Variants in BTD observed in about 807,000 individuals in gnomAD.
BTD encodes the protein biotinidase.
In BTD, 13 loss-of-function variants were observed where a neutral mutation model predicts 17.7. The observed-to-expected ratio is 0.74, with a 90% CI of 0.48 to 1.17. The LOEUF is 1.17. Among genes scored for constraint, BTD ranks in the 50% most tolerant of loss-of-function variants. The pLI is 0.00. For synonymous variants in BTD, 240 were observed against 245.2 expected (o/e 0.98, Z 0.20); for missense variants, 674 against 650.4 (o/e 1.04, Z -0.39).
At chr3:15,604,118 G>C (rs1158758007) in intron 1 of BTD, among the ~76,000 whole-genome samples, 3 of 152,202 alleles carry the variant, frequency 2.0e-5, no homozygotes, top group African/African-American at 7.2e-5. Context: ...ACTCTGTATG[G>C]GGGCTCCCAC....
intron 3 of BTD, chr3:15,678,109 G>A: frequency 8.5e-7 from 1 of 1,183,282 alleles, no homozygotes; most frequent in Admixed American, 2.7e-5. Context: ...AGTCTTAGGA[G>A]TGGTAAGATA....
downstream of BTD, chr3:15,714,482 T>C (rs2072748887): frequency 9.3e-6 from 8 of 856,596 alleles, no homozygotes; most frequent in South Asian, 1.5e-4. Context: ...CAAAATGCGA[T>C]GACAATTCCT....
At chr3:15,676,133 T>C (rs2066911094) in intron 3 of BTD, 2 of 547,688 alleles carry the variant, frequency 3.7e-6, no homozygotes. Flanking sequence ...ATAACAAAGA[T>C]GGGGGCAGGG....
chr3:15,713,416 TACAACATTGAGGATAAAATCCACATTTCC>T (rs1204795500), downstream of BTD: 22 of 784,024 alleles, frequency 2.8e-5, no homozygotes, highest in African/African-American at 3.6e-4. Flanking sequence ...AAGCAATTAA[TACAACATTGAGGATAAAATCCACATTTCC>T]ACGTGAAATG....
Position 15,646,766 on chromosome 3 carries a change from CT to C in BTD, c.*1280del, listed in dbSNP as rs1403650372. The C allele has an allele frequency of 6.6e-6, 1 of 152,148 alleles. No homozygotes were observed. The highest frequency in any genetic ancestry group is 1.5e-5 in the Non-Finnish European group (1 of 68,018). The allele number at this position is 152,148 out of a possible 1,614,324, so 9.4% of individuals were successfully genotyped here. A position where few individuals can be genotyped will look rare whatever the true frequency, so the allele number is the denominator to read the frequency against. Reference sequence around the variant, plus strand: ...TTTTAGTTATTTTAAACAGTATATGCTTAAACATCACACGATTTTATAAAGC... The same window carrying C: ...TTTTAGTTATTTTAAACAGTATATGCTAAACATCACACGATTTTATAAAGC... On this transcript the variant is annotated 3_prime_UTR_variant, in exon 4 of 4. Coordinates refer to ENST00000643237, the MANE Select transcript of BTD (RefSeq NM_001370658.1).
chr3:15,642,515 C>T lies in BTD; in HGVS notation c.399+458C>T, dbSNP rs1276857802. On this transcript the variant is annotated intron_variant, in intron 3 of 3. Transcript: ENST00000643237. ...TGCCACCCAGGCTGGAGCGCAGTGG[C>T]GCGATCTCAGCTCACTGCAAGCTCT... Among the ~76,000 whole-genome samples the T allele has an allele frequency of 2.1e-5, 3 of 145,884 alleles. No individual in the cohort carries two copies. In the Admixed American group the frequency reaches 2.1e-4, roughly 10 times the overall value.
intron 1 of BTD, among the ~76,000 whole-genome samples, chr3:15,634,738 G>A (rs1468058278): frequency 6.6e-6 from 1 of 152,190 alleles, no homozygotes; most frequent in Non-Finnish European, 1.5e-5. Context: ...GTGCAATGGC[G>A]ATTCTCAAGT....
chr3:15,657,429 T>G (rs1346318382), downstream of BTD, among the ~76,000 whole-genome samples: 1 of 152,212 alleles, frequency 6.6e-6, no homozygotes, highest in Non-Finnish European at 1.5e-5. Context: ...ATATCTTTAT[T>G]AATCCCATTT....
exon 4 of BTD, chr3:15,712,357 G>T: frequency 2.7e-6 from 2 of 743,324 alleles, no homozygotes; most frequent in Non-Finnish European, 4.5e-6. Flanking sequence ...AGAGTAATTT[G>T]GTTAAAGTTT....
At chr3:15,704,461 G>C (rs1196087380) in intron 3 of BTD, among the ~76,000 whole-genome samples, 2 of 152,064 alleles carry the variant, frequency 1.3e-5, no homozygotes, top group Non-Finnish European at 2.9e-5. Flanking sequence ...TTTTCCTGGG[G>C]AGCTTTAAAG....
intron 1 of BTD, among the ~76,000 whole-genome samples, chr3:15,620,310 C>T (rs933875357): frequency 7.2e-5 from 11 of 152,058 alleles, no homozygotes; most frequent in Non-Finnish European, 1.3e-4. Flanking sequence ...CCAGAACGGC[C>T]GTTTATAGAC....
chr3:15,642,014 G>C lies in BTD; in HGVS notation c.356G>C (p.Arg119Thr), dbSNP rs1390218353. The C allele has an allele frequency of 6.2e-7, 1 of 1,614,178 alleles. No individual in the cohort carries two copies. Among genetic ancestry groups the C allele is most frequent in the Non-Finnish European group, 8.5e-7 (1 of 1,180,032 alleles). ...LDFMPSPQVV[R>T]WNPCLEPHRF... ...TTCATGCCGTCTCCCCAGGTGGTCA[G>C]GTGGAACCCATGCCTGGAGCCTCAC... Residue 119 changes from arginine to threonine, a missense_variant, in exon 3 of 4, where the codon AGG (arginine) becomes ACG (threonine). Physicochemically the swap from Arg to Thr is moderately conservative, Grantham distance 71. Coordinates refer to ENST00000643237, the MANE Select transcript of BTD (RefSeq NM_001370658.1).
In BTD at chr3:15,601,828, G is replaced by T. The variant is rs201756597; in HGVS notation, c.-83G>T. 181 of 1,614,206 alleles carry T rather than the reference G, an allele frequency of 1.1e-4. 1 individual carries two copies. The East Asian group carries it at 3.7e-3, about 33-fold the overall frequency. On this transcript the variant is annotated 5_prime_UTR_variant, in exon 1 of 4. Coordinates refer to ENST00000643237, the MANE Select transcript of BTD (RefSeq NM_001370658.1). ...TGTCTCCGAGTCGGCCAGCTGGAGC[G>T]TTTTCGGGGCTGTAAAGGGAGAATG...
chr3:15,644,736 A>G lies in BTD; in HGVS notation c.820A>G (p.Ile274Val), dbSNP rs35976361. 2.1e-3 allele frequency: 3,459 copies of G among 1,614,190 alleles called. 74 individuals carry two copies. The African/African-American group carries it at 0.04, about 19-fold the overall frequency. ...GAAAGCTTTTGCTGTTGCCTTTGGCATCAACGTTCTGGCAGCTAATGTCCA... is the reference window on the plus strand; with the variant it reads ...GAAAGCTTTTGCTGTTGCCTTTGGCGTCAACGTTCTGGCAGCTAATGTCCA... ...IQKAFAVAFGINVLAANVHHP... is the reference protein window; with the variant it reads ...IQKAFAVAFGVNVLAANVHHP... Residue 274 changes from isoleucine (I) to valine (V), a missense_variant, in exon 4 of 4, where the codon ATC (isoleucine) becomes GTC (valine). Ile to Val is a conservative substitution (Grantham distance 29, BLOSUM62 3). Transcript: ENST00000643237.
exon 4 of BTD, among the ~76,000 whole-genome samples, chr3:15,711,843 C>G (rs2470515): frequency 0.042 from 6,331 of 151,622 alleles, 429 homozygotes; most frequent in African/African-American, 0.14. Flanking sequence ...CTCACCACCA[C>G]GCCCAGCTAA....
chr3:15,680,646 C>T (rs1044346591), intron 3 of BTD, among the ~76,000 whole-genome samples: 2 of 151,902 alleles, frequency 1.3e-5, no homozygotes, highest in African/African-American at 4.8e-5. Flanking sequence ...TGTAATGAAA[C>T]ATTCTGGTAT....
chr3:15,655,135 T>C (rs371787657), downstream of BTD, among the ~76,000 whole-genome samples: 6 of 152,314 alleles, frequency 3.9e-5, no homozygotes, highest in South Asian at 1.2e-3. Context: ...AACACGCACA[T>C]CTTCAAAGAA....
chr3:15,690,601 G>A (rs755637564), intron 3 of BTD, among the ~76,000 whole-genome samples: 1 of 152,106 alleles, frequency 6.6e-6, no homozygotes, highest in Non-Finnish European at 1.5e-5. Flanking sequence ...GTCTTGCTCT[G>A]TTGCCCCAGC....
chr3:15,644,848 A>C lies in BTD; in HGVS notation c.932A>C (p.His311Pro), dbSNP rs1360639405. 5.6e-6 allele frequency: 9 copies of C among 1,614,068 alleles called. No homozygotes were observed. The highest frequency in any genetic ancestry group is 7.6e-6 in the Non-Finnish European group (9 of 1,180,042). The change falls in exon 4 of 4, where the codon CAC becomes CCC. Residue 311 changes from histidine to proline, a missense_variant. By Grantham distance (77) the His-to-Pro change is moderately conservative. Transcript: ENST00000643237. ...WYHDMENPKS[H>P]LIIAQVAKNP... is the part of the protein sequence containing the mutation. ...CATGACATGGAAAATCCCAAAAGTC[A>C]CCTTATAATTGCCCAGGTGGCCAAA... is the stretch of plus-strand genomic sequence containing the variant.
Sources: gnomAD v4.1 joint callset for allele counts (sites outside exome capture counted in the v4.1 genomes callset) on GRCh38, gnomAD v4.1.1 for gene constraint, MANE v1.5 for transcripts, NCBI Gene and HGNC (gene_info 2026-07-23, HGNC 2026-07-21) for gene names.